The following MAPKAP1 variants were observed in gnomAD, a reference collection of about 807,000 sequenced individuals.
MAPKAP1 encodes MAPK associated protein 1.
MAPKAP1 carries 20 observed loss-of-function variants against 65.7 expected under a neutral mutation model. The observed-to-expected ratio is 0.30, with a 90% confidence interval of 0.21 to 0.44. MAPKAP1 has a LOEUF of 0.44. Ranked by LOEUF, MAPKAP1 falls within the 20% of genes least tolerant of loss-of-function variation. The probability of loss-of-function intolerance (pLI) is 1.00; values close to 1 mark genes in which losing one functional copy is unlikely to be tolerated. For missense variants in MAPKAP1, 423 were observed against 648.0 expected (o/e 0.65, Z 3.77); for synonymous variants, 222 against 244.3 (o/e 0.91, Z 0.85).
At chr9:125,695,170 C>T (rs1229628682) in intron 1 of MAPKAP1, among the ~76,000 whole-genome samples, 4 of 152,174 alleles carry the variant, frequency 2.6e-5, no homozygotes. Flanking sequence ...GCTTCATTCG[C>T]TTGTAAACTG....
intron 8 of MAPKAP1, among the ~76,000 whole-genome samples, chr9:125,498,277 T>C (rs1030704218): frequency 2.6e-5 from 4 of 152,194 alleles, no homozygotes; most frequent in Non-Finnish European, 5.9e-5. Context: ...ATAAAGACAA[T>C]TGTAATAGCC....
intron 4 of MAPKAP1, among the ~76,000 whole-genome samples, chr9:125,653,373 T>C (rs1338901189): frequency 4.6e-5 from 7 of 152,182 alleles, no homozygotes; most frequent in Admixed American, 4.6e-4. Context: ...TGGAAAGTCA[T>C]GTGGAAAATA....
chr9:125,680,778 G>A (rs117986577), intron 1 of MAPKAP1, among the ~76,000 whole-genome samples: 3,061 of 152,294 alleles, frequency 0.02, 50 homozygotes, highest in Non-Finnish European at 0.032. Flanking sequence ...CAGCAGAGGA[G>A]CTGTGTCATA....
intron 5 of MAPKAP1, among the ~76,000 whole-genome samples, chr9:125,584,382 C>T (rs562775999): frequency 3.3e-5 from 5 of 152,156 alleles, no homozygotes; most frequent in Non-Finnish European, 7.4e-5. Flanking sequence ...AAAATAAAAA[C>T]TAACTGCTGA....
intron 9 of MAPKAP1, among the ~76,000 whole-genome samples, chr9:125,474,535 T>A (rs1237445883): frequency 6.6e-6 from 1 of 152,158 alleles, no homozygotes; most frequent in Non-Finnish European, 1.5e-5. Context: ...CTATGGTGAA[T>A]CAAATTAGTA....
At chr9:125,658,606 T>C (rs1267028658) in intron 3 of MAPKAP1, among the ~76,000 whole-genome samples, 3 of 152,208 alleles carry the variant, frequency 2.0e-5, no homozygotes, top group South Asian at 2.1e-4. Flanking sequence ...ATGAACAAGG[T>C]AGACACTGAA....
chr9:125,698,277 T>TAA, intron 1 of MAPKAP1, among the ~76,000 whole-genome samples: 1 of 39,966 alleles, frequency 2.5e-5, no homozygotes, highest in African/African-American at 1.7e-4. Flanking sequence ...ATATAATACA[T>TAA]AATATATATA....
intron 5 of MAPKAP1, among the ~76,000 whole-genome samples, chr9:125,582,796 C>T (rs1317507004): frequency 1.3e-5 from 2 of 152,194 alleles, no homozygotes; most frequent in African/African-American, 4.8e-5. Context: ...GTCCCATACC[C>T]TCATGTAGTA....
chr9:125,652,296 T>A, intron 4 of MAPKAP1: 1 of 1,172,224 alleles, frequency 8.5e-7, no homozygotes, highest in East Asian at 5.4e-5. Flanking sequence ...ATTTAAGGAC[T>A]ATCATCCCAA....
chr9:125,641,203 C>T (rs10986826), intron 4 of MAPKAP1, among the ~76,000 whole-genome samples: 2,976 of 152,232 alleles, frequency 0.02, 162 homozygotes, highest in East Asian at 0.15. Flanking sequence ...GGACAGAGTT[C>T]TCATTTCCCC....
At chr9:125,684,546 T>G (rs1029995701) in intron 1 of MAPKAP1, among the ~76,000 whole-genome samples, 6 of 152,306 alleles carry the variant, frequency 3.9e-5, no homozygotes, top group South Asian at 2.1e-4. Flanking sequence ...CTATAGAACT[T>G]TGCTACTAAA....
intron 7 of MAPKAP1, among the ~76,000 whole-genome samples, chr9:125,542,156 T>C (rs1830271405): frequency 6.6e-6 from 1 of 152,222 alleles, no homozygotes; most frequent in South Asian, 2.1e-4. Flanking sequence ...CCCTGGAATA[T>C]GGCCTTGAGA....
At chr9:125,593,920 T>C (rs1832046568) in intron 4 of MAPKAP1, among the ~76,000 whole-genome samples, 1 of 152,156 alleles carries the variant, frequency 6.6e-6, no homozygotes, top group South Asian at 2.1e-4. Context: ...ATTTAACATA[T>C]CCAACACCAA....
At chr9:125,701,432 A>C (rs1031743601) in intron 1 of MAPKAP1, among the ~76,000 whole-genome samples, 2 of 152,138 alleles carry the variant, frequency 1.3e-5, no homozygotes, top group Non-Finnish European at 2.9e-5. Flanking sequence ...ACGTGACCAA[A>C]CTCCAAAGGC....
rs201989588 is a variant in MAPKAP1 at position 125,477,245 on chromosome 9, T to C, written c.1207+7198A>G. On this transcript the variant is annotated intron_variant, in intron 9 of 11. Coordinates refer to ENST00000265960, the MANE Select transcript of MAPKAP1 (RefSeq NM_001006617.3). Reference sequence around the variant, plus strand: ...AATTCATGGTATCTTACGTGTTCAGTAACAGATCCCTTCGGTGACATGGGA... The same window carrying C: ...AATTCATGGTATCTTACGTGTTCAGCAACAGATCCCTTCGGTGACATGGGA... Among the ~76,000 whole-genome samples the C allele has an allele frequency of 4.6e-5, 7 of 152,270 alleles. No homozygotes were observed. The East Asian group carries it at 1.4e-3, about 29-fold the overall frequency.
intron 3 of MAPKAP1, among the ~76,000 whole-genome samples, chr9:125,664,542 T>C (rs531185977): frequency 2.3e-4 from 35 of 150,344 alleles, no homozygotes; most frequent in Admixed American, 2.1e-3. Flanking sequence ...CTGGCCAACA[T>C]GGTGAAACCC....
chr9:125,452,305 G>A (rs906872649), intron 10 of MAPKAP1, among the ~76,000 whole-genome samples: 6 of 151,974 alleles, frequency 3.9e-5, no homozygotes, highest in African/African-American at 1.5e-4. Context: ...TGCCATGTTG[G>A]CTAGGCTAGT....
intron 3 of MAPKAP1, among the ~76,000 whole-genome samples, chr9:125,659,465 C>T (rs1041300627): frequency 5.3e-5 from 8 of 152,122 alleles, no homozygotes; most frequent in Non-Finnish European, 1.2e-4. Flanking sequence ...TTTGTCGAGG[C>T]TTGGAGAATA....
chr9:125,657,791 A>C lies in MAPKAP1; in HGVS notation c.358T>G (p.Leu120Val). The change falls in exon 4 of 12, where the codon TTA becomes GTA. Residue 120 changes from leucine to valine, a missense_variant. Physicochemically the swap from Leu to Val is conservative, Grantham distance 32. Coordinates refer to ENST00000265960, the MANE Select transcript of MAPKAP1 (RefSeq NM_001006617.3). ...ERNSKQSAQE[L>V]KSLFEKKSLK... ...GATTTTTTTTCAAACAGTGACTTTA[A>C]CTCCTGGGCTGTGATACAAGAGGAA... The C allele has an allele frequency of 6.2e-7, 1 of 1,613,108 alleles. No individual in the cohort carries two copies. Among genetic ancestry groups the C allele is most frequent in the Non-Finnish European group, 8.5e-7 (1 of 1,179,662 alleles).
Sources: allele counts gnomAD v4.1 joint callset (sites outside exome capture counted in the v4.1 genomes callset), GRCh38; gene constraint gnomAD v4.1.1; transcripts MANE v1.5; gene names NCBI Gene and HGNC (gene_info 2026-07-23, HGNC 2026-07-21).